MFHAS1: variants seen among roughly 807,000 people sequenced by gnomAD.
MFHAS1 encodes the protein malignant fibrous histiocytoma-amplified sequence 1.
Under a neutral mutation model 70.4 loss-of-function variants are expected in MFHAS1, and 50 were observed. The ratio of observed to expected loss-of-function variants is 0.71; its 90% CI spans 0.57 to 0.90. The LOEUF is 0.90. MFHAS1 is among the 40% of genes least tolerant of loss of function. The probability of loss-of-function intolerance (pLI) is 0.00; values close to 1 mark genes in which losing one functional copy is unlikely to be tolerated. For synonymous variants in MFHAS1, 952 were observed against 620.0 expected, an observed-to-expected ratio of 1.54 and a Z score of -7.96; for missense variants, 1,795 against 1,347.6, an observed-to-expected ratio of 1.33 and a Z score of -5.20.
At chr8:8,888,269 T>C (rs1385801350) in intron 1 of MFHAS1, among the ~76,000 whole-genome samples, 3 of 152,188 alleles carry the variant, frequency 2.0e-5, no homozygotes, top group Non-Finnish European at 4.4e-5. Flanking sequence ...AACGGAAAGA[T>C]GTCACCTTCG....
At chr8:8,829,425 A>T (rs994985812) in intron 1 of MFHAS1, among the ~76,000 whole-genome samples, 2 of 152,236 alleles carry the variant, frequency 1.3e-5, no homozygotes, top group African/African-American at 2.4e-5. Context: ...CCATGCCTGT[A>T]ATCAGAGCAC....
intron 1 of MFHAS1, among the ~76,000 whole-genome samples, chr8:8,880,775 C>G (rs949750359): frequency 2.0e-5 from 3 of 151,684 alleles, no homozygotes; most frequent in Non-Finnish European, 4.4e-5. Context: ...ACCTCCGCCT[C>G]TTGGGTTCAA....
At chr8:8,870,264 G>C (rs1392933359) in intron 1 of MFHAS1, among the ~76,000 whole-genome samples, 1 of 147,686 alleles carries the variant, frequency 6.8e-6, no homozygotes, top group Non-Finnish European at 1.5e-5. Flanking sequence ...GACCAGCCTA[G>C]GCAACATAGT....
chr8:8,840,570 G>A (rs571427578), intron 1 of MFHAS1, among the ~76,000 whole-genome samples: 30 of 151,956 alleles, frequency 2.0e-4, no homozygotes, highest in African/African-American at 5.5e-4. Context: ...GACCCGACCC[G>A]GTAATGACAT....
chr8:8,870,290 CAAAAAA>C (rs61229252), intron 1 of MFHAS1, among the ~76,000 whole-genome samples: 2 of 113,118 alleles, frequency 1.8e-5, no homozygotes, highest in South Asian at 2.5e-4. Context: ...CCTGTCTCTA[CAAAAAA>C]AAAAAAAAAA....
At chr8:8,812,301 C>T (rs1391812280) in intron 1 of MFHAS1, among the ~76,000 whole-genome samples, 6 of 152,110 alleles carry the variant, frequency 3.9e-5, no homozygotes, top group African/African-American at 9.7e-5. Context: ...CTGAAGCCGG[C>T]GTAAGATCTT....
Position 8,868,416 on chromosome 8 carries a change from T to C in MFHAS1, c.2998+21645A>G, listed in dbSNP as rs190357301. On this transcript the variant is annotated intron_variant, in intron 1 of 2. Transcript: ENST00000276282. ...AGCCATAATTAATCACCGAGAAGGA[T>C]AGCCTCAACTTTTTTAAACTGACTG... Among the ~76,000 whole-genome samples, 7 of 150,250 alleles carry C rather than the reference T, an allele frequency of 4.7e-5. No individual in the cohort carries two copies. In the East Asian group the frequency reaches 5.8e-4, roughly 13 times the overall value.
intron 1 of MFHAS1, among the ~76,000 whole-genome samples, chr8:8,816,908 A>G (rs1806768121): frequency 6.6e-6 from 1 of 152,236 alleles, no homozygotes; most frequent in African/African-American, 2.4e-5. Flanking sequence ...CTAAAGACAT[A>G]TATAAGCGTG....
At position 8,890,851 on chromosome 8, in the gene MFHAS1, G is replaced by A. The variant is rs545693944; in HGVS notation, c.2208C>T (p.Ile736=). The change falls in exon 1 of 3, where the codon ATC becomes ATT. Residue 736 remains isoleucine (I), a synonymous_variant. Transcript: ENST00000276282. ...VFHNLTRLID[I]LNVFFQRDPS... is the part of the protein sequence containing the mutation. ...GATCCCTCTGGAAGAAGACATTGAG[G>A]ATGTCGATGAGGCGGGTGAGGTTGT... The A allele has an allele frequency of 6.2e-6, 10 of 1,614,218 alleles. No homozygotes were observed. The East Asian group carries it at 1.1e-4, about 18-fold the overall frequency.
intron 1 of MFHAS1, among the ~76,000 whole-genome samples, chr8:8,827,461 G>C (rs1286162524): frequency 1.3e-5 from 2 of 152,200 alleles, no homozygotes; most frequent in African/African-American, 4.8e-5. Context: ...CAATTTCACA[G>C]ATGAAAACAA....
At chr8:8,869,064 G>A (rs1808970147) in intron 1 of MFHAS1, among the ~76,000 whole-genome samples, 1 of 152,150 alleles carries the variant, frequency 6.6e-6, no homozygotes, top group Non-Finnish European at 1.5e-5. Context: ...GCAGAGAGGA[G>A]GAGGAGGAAG....
chr8:8,871,874 T>C (rs906552715), intron 1 of MFHAS1, among the ~76,000 whole-genome samples: 3 of 152,214 alleles, frequency 2.0e-5, no homozygotes, highest in Non-Finnish European at 2.9e-5. Flanking sequence ...GCTGGTTTAA[T>C]ATAAAGCAAG....
At chr8:8,868,148 T>C (rs772892718) in intron 1 of MFHAS1, among the ~76,000 whole-genome samples, 11 of 152,024 alleles carry the variant, frequency 7.2e-5, no homozygotes, top group Admixed American at 5.2e-4. Flanking sequence ...GGGGATTCAG[T>C]TGAATCTCCC....
At chr8:8,839,353 T>C (rs928278050) in intron 1 of MFHAS1, among the ~76,000 whole-genome samples, 2 of 152,216 alleles carry the variant, frequency 1.3e-5, no homozygotes, top group Admixed American at 1.3e-4. Flanking sequence ...ATGTGCTATC[T>C]ATGTAAAAGC....
chr8:8,851,404 G>A (rs534093672), intron 1 of MFHAS1, among the ~76,000 whole-genome samples: 2 of 152,262 alleles, frequency 1.3e-5, no homozygotes, highest in South Asian at 2.1e-4. Flanking sequence ...GCACACAAAC[G>A]TCTCAGAAAT....
At chr8:8,820,079 G>C (rs1806897959) in intron 1 of MFHAS1, among the ~76,000 whole-genome samples, 1 of 152,044 alleles carries the variant, frequency 6.6e-6, no homozygotes, top group African/African-American at 2.4e-5. Flanking sequence ...TTTTCCCCCA[G>C]AACAGCTCTC....
At chr8:8,851,812 A>T (rs441641) in intron 1 of MFHAS1, among the ~76,000 whole-genome samples, 1 of 152,128 alleles carries the variant, frequency 6.6e-6, no homozygotes, top group Admixed American at 6.5e-5. Context: ...ACATGGAAAA[A>T]GAGGAAGTTG....
At chr8:8,799,980 G>A (rs2117263216) in intron 1 of MFHAS1, among the ~76,000 whole-genome samples, 1 of 152,306 alleles carries the variant, frequency 6.6e-6, no homozygotes, top group East Asian at 1.9e-4. Context: ...CTAACCAGCA[G>A]CAGACTTGGG....
chr8:8,790,877 T>C (rs1169396023), intron 2 of MFHAS1, among the ~76,000 whole-genome samples: 2 of 152,224 alleles, frequency 1.3e-5, no homozygotes, highest in Non-Finnish European at 2.9e-5. Context: ...GTCAAAACGA[T>C]GTTACTGCCA....
Sources: gnomAD v4.1 joint callset for allele counts (sites outside exome capture counted in the v4.1 genomes callset) on GRCh38, gnomAD v4.1.1 for gene constraint, MANE v1.5 for transcripts, NCBI Gene and HGNC (gene_info 2026-07-23, HGNC 2026-07-21) for gene names.